The following TLE2 variants were observed in gnomAD, a reference collection of about 807,000 sequenced individuals.
TLE2 encodes transducin-like enhancer protein 2.
A neutral mutation model predicts 97.2 loss-of-function variants in TLE2; 74 were observed. The ratio of observed to expected loss-of-function variants is 0.76; its 90% CI spans 0.63 to 0.92. TLE2 has a LOEUF of 0.92. TLE2 is among the 40% of genes least tolerant of loss of function. TLE2 has a pLI of 0.00. For synonymous variants in TLE2, 499 were observed against 432.1 expected, an observed-to-expected ratio of 1.15 and a Z score of -1.92; for missense variants, 1,038 against 1,008.7, an observed-to-expected ratio of 1.03 and a Z score of -0.39.
At chr19:3,022,879 T>C (rs1489727202) in intron 5 of TLE2, among the ~76,000 whole-genome samples, 1 of 152,102 alleles carries the variant, frequency 6.6e-6, no homozygotes, top group East Asian at 1.9e-4. Flanking sequence ...TACCAAACTC[T>C]GTCACTGTAA....
upstream of TLE2, among the ~76,000 whole-genome samples, chr19:3,046,945 C>CCCTTCCCTCCCTCCTT (rs924059699): frequency 1.7e-5 from 2 of 119,636 alleles, no homozygotes; most frequent in Non-Finnish European, 3.6e-5. Flanking sequence ...TCCCCCTCCT[C>CCCTTCCCTCCCTCCTT]CTCCCTTCCC....
intron 19 of TLE2, among the ~76,000 whole-genome samples, chr19:2,999,265 GAGA>G (rs2089296522): frequency 6.6e-6 from 1 of 151,990 alleles, no homozygotes; most frequent in African/African-American, 2.4e-5. Context: ...CTGGGCGACA[GAGA>G]AGGACTCCGT....
intron 8 of TLE2, 67 bp downstream of exon 8, chr19:3,017,773 C>T (rs1331414744): frequency 6.7e-7 from 1 of 1,494,474 alleles, no homozygotes; most frequent in Non-Finnish European, 9.2e-7. Flanking sequence ...CTGAGGCCCC[C>T]ATCAGCTCAG....
intron 2 of TLE2, 133 bp downstream of exon 2, chr19:3,028,573 G>T: frequency 2.7e-6 from 3 of 1,120,214 alleles, no homozygotes; most frequent in Non-Finnish European, 3.9e-6. Flanking sequence ...CTGCACCTGC[G>T]CTTCCACCTG....
At chr19:3,031,878 T>C (rs1158194675), upstream of TLE2, among the ~76,000 whole-genome samples, 4 of 152,184 alleles carry the variant, frequency 2.6e-5, no homozygotes, top group Non-Finnish European at 5.9e-5. Flanking sequence ...CTCTCCATCC[T>C]ATTCTCCCTC....
intron 3 of TLE2, 128 bp from the exon 4 acceptor site, chr19:3,028,001 C>T (rs887680785): frequency 6.2e-6 from 6 of 961,124 alleles, no homozygotes; most frequent in Non-Finnish European, 9.6e-6. Context: ...GAGCCCCCCC[C>T]AGCTCCACGG....
In TLE2 at chr19:3,013,736, AC is replaced by A; in HGVS notation, c.805del (p.Val269TrpfsTer23). ...PICIPARRDL[V>X]DSPASLASSL... ...AGAGGCCAAGGAGGCTGGACTGTCC[AC>A]CAGGTCCCGACGGGCAGGAATGCAG... On this transcript the variant is annotated frameshift_variant, in exon 11 of 20. Coordinates refer to ENST00000262953, the MANE Select transcript of TLE2 (RefSeq NM_003260.5). LOFTEE classifies it high-confidence loss of function. 1 of 1,562,444 alleles carries A rather than the reference AC, an allele frequency of 6.4e-7. No individual in the cohort carries two copies. Among genetic ancestry groups the A allele is most frequent in the Non-Finnish European group, 8.6e-7 (1 of 1,156,592 alleles).
rs1334377171 is a variant in TLE2 at position 2,999,738 on chromosome 19, AAG to A, written c.2124+907_2124+908del. Reference sequence around the variant, plus strand: ...TGAGACTCCATCTCAAAAAAAAAAAAAGAAAGAAAAACAGCTGGGCGCAGTGG... The same window carrying A: ...TGAGACTCCATCTCAAAAAAAAAAAAAAAGAAAAACAGCTGGGCGCAGTGG... On this transcript the variant is annotated intron_variant, in intron 19 of 19. Transcript: ENST00000262953. Among the ~76,000 whole-genome samples, 170 of 71,886 alleles carry A rather than the reference AAG, an allele frequency of 2.4e-3. No individual in the cohort carries two copies. In the Middle Eastern group the frequency reaches 0.029, roughly 12 times the overall value. The allele number at this position is 71,886 out of a possible 152,430, so 47.2% of individuals were successfully genotyped here.
chr19:3,002,441 G>C lies in TLE2; in HGVS notation c.1959C>G (p.Asn653Lys), dbSNP rs766834549. ...DWLAVGMESS[N>K]VEILHVRKPE... ...GCTTGCGGACGTGCAGGATCTCCAC[G>C]TTGCTACTCTCCATTCCGACCGCCA... Residue 653 changes from asparagine to lysine, a missense_variant, in exon 18 of 20, where the codon AAC (asparagine) becomes AAG (lysine). Transcript: ENST00000262953. The C allele has an allele frequency of 1.9e-6, 3 of 1,611,716 alleles. No homozygotes were observed. Among genetic ancestry groups the C allele is most frequent in the Non-Finnish European group, 2.5e-6 (3 of 1,179,052 alleles).
At chr19:3,038,688 A>G (rs1420879314) in intron 1 of TLE2, among the ~76,000 whole-genome samples, 1 of 152,194 alleles carries the variant, frequency 6.6e-6, no homozygotes, top group African/African-American at 2.4e-5. Context: ...TGGAGGGACT[A>G]CCTGAGGCCA....
chr19:2,998,252 T>G (rs1402458810), intron 19 of TLE2, among the ~76,000 whole-genome samples: 12 of 119,640 alleles, frequency 1.0e-4, no homozygotes, highest in African/African-American at 4.0e-4. Flanking sequence ...TGTGTGTGTG[T>G]GTGTGTGTGT....
chr19:3,039,224 CCAAAAAAAAA>C (rs1386763563), intron 1 of TLE2, among the ~76,000 whole-genome samples: 3 of 101,004 alleles, frequency 3.0e-5, no homozygotes, highest in African/African-American at 1.2e-4. Flanking sequence ...TTTCCCCACT[CCAAAAAAAAA>C]AAAAAAAAAA....
chr19:3,017,245 C>T (rs2089728114), intron 8 of TLE2, among the ~76,000 whole-genome samples: 2 of 151,192 alleles, frequency 1.3e-5, no homozygotes, highest in Non-Finnish European at 2.9e-5. Flanking sequence ...CCAAGTGATT[C>T]TCCTGCCTTG....
intron 15 of TLE2, 185 bp downstream of exon 15, chr19:3,006,235 G>T: frequency 1.1e-6 from 1 of 950,956 alleles, no homozygotes; most frequent in Non-Finnish European, 1.6e-6. Context: ...ATTCAGATTG[G>T]CCAGAGCCCC....
intron 1 of TLE2, among the ~76,000 whole-genome samples, chr19:3,038,418 G>C (rs2090076755): frequency 1.3e-5 from 2 of 152,096 alleles, no homozygotes; most frequent in Non-Finnish European, 2.9e-5. Flanking sequence ...TCACTATGTT[G>C]CCCAGACTGG....
intron 19 of TLE2, 114 bp downstream of exon 19, chr19:3,000,533 G>A: frequency 6.5e-6 from 6 of 917,152 alleles, no homozygotes. Flanking sequence ...CCTGAGGAGG[G>A]GTTAGGGTGG....
In TLE2 at chr19:3,013,961, G is replaced by A. The variant is rs537930005; in HGVS notation, c.724-143C>T. ...TGGGAAGATTATGAAATCTTCTGCT[G>A]CCTCAGTTTACTCATCTGTAAAATG... On this transcript the variant is annotated intron_variant, in intron 10 of 19. Coordinates refer to ENST00000262953, the MANE Select transcript of TLE2 (RefSeq NM_003260.5). The A allele has an allele frequency of 3.8e-4, 327 of 854,494 alleles. 2 individuals carry two copies. The African/African-American group carries it at 4.5e-3, about 12-fold the overall frequency. 52.9% of individuals were successfully genotyped at this position (854,494 alleles called of 1,614,324 possible).
In TLE2 at chr19:3,009,692, G is replaced by C; in HGVS notation, c.1023C>G (p.Ser341Arg). ...APSTDSVALR[S>R]PLTLSSPFTT... ...TGAAGGGACTGGACAGAGTCAGGGGGCTCCTCAGGGCTGAGACGGAAGAGT... is the reference window on the plus strand; with the variant it reads ...TGAAGGGACTGGACAGAGTCAGGGGCCTCCTCAGGGCTGAGACGGAAGAGT... Residue 341 changes from serine to arginine, a missense_variant, in exon 13 of 20, where the codon AGC (serine) becomes AGG (arginine). Transcript: ENST00000262953. 1 of 1,610,536 alleles carries C rather than the reference G, an allele frequency of 6.2e-7. No individual in the cohort carries two copies. The highest frequency in any genetic ancestry group is 8.5e-7 in the Non-Finnish European group (1 of 1,178,644).
intron 1 of TLE2, among the ~76,000 whole-genome samples, chr19:3,034,443 A>G (rs2090047888): frequency 6.7e-6 from 1 of 150,310 alleles, no homozygotes; most frequent in Admixed American, 6.6e-5. Context: ...ACCTTCCTCC[A>G]CCAGATCACA....
Sources: gnomAD v4.1 joint callset for allele counts (sites outside exome capture counted in the v4.1 genomes callset) on GRCh38, gnomAD v4.1.1 for gene constraint, MANE v1.5 for transcripts, NCBI Gene and HGNC (gene_info 2026-07-23, HGNC 2026-07-21) for gene names.